The following SPMAP2L variants were observed in gnomAD, a reference collection of about 807,000 sequenced individuals.
The protein encoded by SPMAP2L is sperm microtubule associated protein 2 like, also known as sperm microtubule associated protein 2-like.
chr4:56,559,533 G>T, the SPMAP2L span: 4 of 1,478,720 alleles, frequency 2.7e-6, no homozygotes, highest in African/African-American at 4.3e-5. Flanking sequence ...TAGTGTCTGT[G>T]TGTTATCATG....
At chr4:56,566,896 CG>C in the SPMAP2L span, among the ~76,000 whole-genome samples, 1,036 of 151,816 alleles carry the variant, frequency 6.8e-3, 17 homozygotes, top group African/African-American at 0.024. Flanking sequence ...AGGGTTTCAG[CG>C]TGTTGGTGAG....
chr4:56,534,150 C>A, the SPMAP2L span, among the ~76,000 whole-genome samples: 1 of 152,112 alleles, frequency 6.6e-6, no homozygotes, highest in African/African-American at 2.4e-5. Flanking sequence ...TATCCATGTC[C>A]TCTTTCCCCC....
the SPMAP2L span, among the ~76,000 whole-genome samples, chr4:56,616,651 A>C: frequency 6.6e-6 from 1 of 152,232 alleles, no homozygotes; most frequent in Non-Finnish European, 1.5e-5. Context: ...GACAGATGGC[A>C]GTCAGAGAAA....
the SPMAP2L span, among the ~76,000 whole-genome samples, chr4:56,622,153 AAAAAG>A: frequency 6.6e-6 from 1 of 152,240 alleles, no homozygotes; most frequent in East Asian, 1.9e-4. Context: ...TAAAATGCTA[AAAAAG>A]AAAAGAAAGC....
At chr4:56,551,095 T>C in the SPMAP2L span, among the ~76,000 whole-genome samples, 1 of 152,200 alleles carries the variant, frequency 6.6e-6, no homozygotes, top group Non-Finnish European at 1.5e-5. Flanking sequence ...CTTCACATCA[T>C]GCCTTGTATG....
the SPMAP2L span, among the ~76,000 whole-genome samples, chr4:56,543,433 C>T: frequency 2.0e-5 from 3 of 149,812 alleles, no homozygotes; most frequent in Admixed American, 2.0e-4. Context: ...TGGCTCACAC[C>T]TGTAATCCCA....
the SPMAP2L span, among the ~76,000 whole-genome samples, chr4:56,574,204 G>T: frequency 0.086 from 13,060 of 152,158 alleles, 716 homozygotes; most frequent in East Asian, 0.22. Context: ...AGAATCACTT[G>T]AGCATAGGCA....
chr4:56,601,385 A>G, the SPMAP2L span, among the ~76,000 whole-genome samples: 1 of 152,260 alleles, frequency 6.6e-6, no homozygotes, highest in Non-Finnish European at 1.5e-5. Flanking sequence ...TTGGGAGACC[A>G]AGGTGGGAGG....
chr4:56,610,041 G>T, the SPMAP2L span, among the ~76,000 whole-genome samples: 1 of 152,086 alleles, frequency 6.6e-6, no homozygotes. Context: ...GAAATCTACA[G>T]ATTTAATGCA....
chr4:56,553,180 C>CTTTTTTT, the SPMAP2L span, among the ~76,000 whole-genome samples: 1 of 30,012 alleles, frequency 3.3e-5, no homozygotes, highest in African/African-American at 1.3e-4. Context: ...TCTCCTATTG[C>CTTTTTTT]TTTTTTTTTT....
the SPMAP2L span, chr4:56,530,884 A>C: frequency 0.28 from 428,487 of 1,534,566 alleles, 65,516 homozygotes; most frequent in Admixed American, 0.53. Flanking sequence ...GCAAGACCAG[A>C]GAGACGAGTC....
chr4:56,611,423 G>A, the SPMAP2L span, among the ~76,000 whole-genome samples: 1 of 152,100 alleles, frequency 6.6e-6, no homozygotes, highest in African/African-American at 2.4e-5. Context: ...GGGAACTTGG[G>A]GGGAAAGTGT....
chr4:56,593,712 C>A, the SPMAP2L span: 2 of 1,582,310 alleles, frequency 1.3e-6, no homozygotes, highest in African/African-American at 1.3e-5. Flanking sequence ...GTGGGGGCAA[C>A]AAGAGACGCC....
At chr4:56,614,142 T>C in the SPMAP2L span, among the ~76,000 whole-genome samples, 1 of 151,962 alleles carries the variant, frequency 6.6e-6, no homozygotes, top group Admixed American at 6.6e-5. Context: ...TTGAATAGGA[T>C]TGGGCAAGGG....
the SPMAP2L span, chr4:56,593,257 A>C: frequency 1.6e-6 from 2 of 1,254,246 alleles, no homozygotes; most frequent in Non-Finnish European, 2.3e-6. Flanking sequence ...TGGATGAGGG[A>C]CTGCGGCTGC....
At chr4:56,593,016 T>G in the SPMAP2L span, 1 of 1,599,054 alleles carries the variant, frequency 6.3e-7, no homozygotes, top group Non-Finnish European at 8.6e-7. Context: ...CTTGCAACTC[T>G]GCATGCCATT....
chr4:56,585,376 C>G, the SPMAP2L span, among the ~76,000 whole-genome samples: 1 of 151,904 alleles, frequency 6.6e-6, no homozygotes, highest in African/African-American at 2.4e-5. Context: ...AGACAAGGTC[C>G]CACTCTGTCA....
At chr4:56,601,189 A>G in the SPMAP2L span, 4 of 1,326,482 alleles carry the variant, frequency 3.0e-6, no homozygotes, top group Admixed American at 2.8e-5. Flanking sequence ...AATAAGGCAA[A>G]TGAAAAGAGT....
chr4:56,590,857 G>A, the SPMAP2L span, among the ~76,000 whole-genome samples: 21 of 151,968 alleles, frequency 1.4e-4, no homozygotes, highest in Admixed American at 8.5e-4. Flanking sequence ...CTTTATTCAC[G>A]CTTTAAAATG....
Sources: allele counts gnomAD v4.1 joint callset (sites outside exome capture counted in the v4.1 genomes callset), GRCh38; gene constraint gnomAD v4.1.1; transcripts MANE v1.5; gene names NCBI Gene and HGNC (gene_info 2026-07-23, HGNC 2026-07-21).